The following CTNNA3 variants were observed in gnomAD, a reference collection of about 807,000 sequenced individuals.
CTNNA3 encodes the protein catenin alpha-3.
Under a neutral mutation model 95.7 loss-of-function variants are expected in CTNNA3, and 76 were observed. The observed-to-expected ratio is 0.79, with a 90% CI of 0.66 to 0.96. The LOEUF (loss-of-function observed/expected upper bound fraction) is 0.96, where lower values mean the gene tolerates loss of function less well. Ranked by LOEUF, CTNNA3 falls within the 40% of genes least tolerant of loss-of-function variation. The probability of loss-of-function intolerance (pLI) is 0.00; values close to 1 mark genes in which losing one functional copy is unlikely to be tolerated. For synonymous variants in CTNNA3, 431 were observed against 374.4 expected, an observed-to-expected ratio of 1.15 and a Z score of -1.74; for missense variants, 1,191 against 1,089.8, an observed-to-expected ratio of 1.09 and a Z score of -1.31.
At chr10:66,550,885 A>G (rs988566284) in intron 10 of CTNNA3, among the ~76,000 whole-genome samples, 9 of 151,834 alleles carry the variant, frequency 5.9e-5, no homozygotes, top group African/African-American at 1.5e-4. Flanking sequence ...AAGAGTTAAT[A>G]TTGTATTAGT....
chr10:66,182,649 T>A (rs2131860420), intron 13 of CTNNA3, among the ~76,000 whole-genome samples: 1 of 152,232 alleles, frequency 6.6e-6, no homozygotes, highest in East Asian at 1.9e-4. Context: ...TTCCAATGTG[T>A]GGAATTTTCT....
chr10:66,737,184 A>T (rs1462216257), intron 9 of CTNNA3, among the ~76,000 whole-genome samples: 1 of 152,066 alleles, frequency 6.6e-6, no homozygotes, highest in African/African-American at 2.4e-5. Context: ...GTGTAAAATA[A>T]TTTTTTATTT....
intron 7 of CTNNA3, among the ~76,000 whole-genome samples, chr10:66,975,261 G>T (rs1317527548): frequency 6.6e-6 from 1 of 152,084 alleles, no homozygotes; most frequent in African/African-American, 2.4e-5. Flanking sequence ...TCTAATAAAG[G>T]TATTCACATA....
chr10:67,011,328 A>G (rs10822959), intron 7 of CTNNA3, among the ~76,000 whole-genome samples: 78,785 of 145,704 alleles, frequency 0.54, 21,964 homozygotes, highest in Middle Eastern at 0.74. Context: ...GGCAGAGCAA[A>G]AGTCTGTCTC....
At chr10:66,563,367 T>C (rs75285081) in intron 10 of CTNNA3, among the ~76,000 whole-genome samples, 7,624 of 152,162 alleles carry the variant, frequency 0.05, 247 homozygotes, top group African/African-American at 0.076. Flanking sequence ...GACTTCTTTT[T>C]CTCTATGAAT....
chr10:65,982,772 A>C (rs1246424247), intron 16 of CTNNA3, among the ~76,000 whole-genome samples: 1 of 151,190 alleles, frequency 6.6e-6, no homozygotes, highest in African/African-American at 2.4e-5. Flanking sequence ...TTGAAAAAAA[A>C]AATTAAAAAA....
intron 11 of CTNNA3, among the ~76,000 whole-genome samples, chr10:66,427,930 A>T (rs1323019128): frequency 1.3e-5 from 2 of 152,142 alleles, no homozygotes; most frequent in Non-Finnish European, 2.9e-5. Flanking sequence ...AATGGACTAA[A>T]TGCTCCAATT....
At chr10:67,380,317 C>A (rs1843890444) in intron 5 of CTNNA3, among the ~76,000 whole-genome samples, 1 of 152,052 alleles carries the variant, frequency 6.6e-6, no homozygotes, top group South Asian at 2.1e-4. Context: ...AGAGAACATA[C>A]TATAACCAGT....
At chr10:66,701,138 ATTG>A (rs1457780493) in intron 9 of CTNNA3, among the ~76,000 whole-genome samples, 1 of 152,066 alleles carries the variant, frequency 6.6e-6, no homozygotes, top group African/African-American at 2.4e-5. Flanking sequence ...TGCCCACTGA[ATTG>A]CCTTTGAACT....
intron 5 of CTNNA3, among the ~76,000 whole-genome samples, chr10:67,246,845 G>A (rs547809648): frequency 7.2e-5 from 11 of 152,182 alleles, no homozygotes; most frequent in South Asian, 2.1e-4. Flanking sequence ...AGCAGAATGC[G>A]CAAGGAAAAT....
At chr10:67,240,203 A>C (rs1321297587) in intron 5 of CTNNA3, among the ~76,000 whole-genome samples, 1 of 152,208 alleles carries the variant, frequency 6.6e-6, no homozygotes, top group Admixed American at 6.5e-5. Context: ...TTTGAGATTA[A>C]GATGTGCAGC....
chr10:66,731,721 A>T (rs1036991438), intron 9 of CTNNA3, among the ~76,000 whole-genome samples: 54 of 152,338 alleles, frequency 3.5e-4, no homozygotes, highest in African/African-American at 1.2e-3. Context: ...ATCATGGTGT[A>T]TTGCACATGC....
At chr10:67,124,986 A>T (rs774466795) in intron 7 of CTNNA3, among the ~76,000 whole-genome samples, 2 of 152,184 alleles carry the variant, frequency 1.3e-5, no homozygotes, top group African/African-American at 4.8e-5. Context: ...TCATTTTTCA[A>T]GTTAAGCCAG....
chr10:67,437,294 G>C lies in CTNNA3; in HGVS notation c.579+84548C>G, dbSNP rs558041393. Among the ~76,000 whole-genome samples the C allele has an allele frequency of 1.1e-4, 16 of 152,244 alleles. No individual in the cohort carries two copies. In the East Asian group the frequency reaches 2.1e-3, roughly 20 times the overall value. ...AATAAGGACCCAAAGGCATAAGAAT[G>C]ATACAATGGACTTTGGGGACCTGAG... On this transcript the variant is annotated intron_variant, in intron 5 of 17. Transcript: ENST00000433211.
rs1847147842 is a variant in CTNNA3 at position 66,927,601 on chromosome 10, G to A, written c.1048-152077C>T. ...CAACCTGGCCCTTTTTCCAAGGTTG[G>A]TCAGCCTTCAGAACCTTTACTTGCA... On this transcript the variant is annotated intron_variant, in intron 7 of 17. Transcript: ENST00000433211. This position sits in a 1 kb window ranked among gnomAD's most constrained non-coding sequence, Gnocchi z 4.7. The A allele has an allele frequency of 1.2e-6, 2 of 1,614,034 alleles. No homozygotes were observed. Among genetic ancestry groups the A allele is most frequent in the East Asian group, 2.2e-5 (1 of 44,886 alleles).
Position 67,197,004 on chromosome 10 carries a change from T to C in CTNNA3, c.844-16484A>G, listed in dbSNP as rs138725285. 1.6e-3 allele frequency among the ~76,000 whole-genome samples: 241 copies of C among 152,228 alleles called. 3 individuals carry two copies. Among genetic ancestry groups the C allele is most frequent in the African/African-American group, 5.5e-3 (230 of 41,558 alleles). Reference sequence around the variant, plus strand: ...TGGTGATTAACTTATTCTGTCTACATTGAACTTAGAGAAAATACAGATGAT... The same window carrying C: ...TGGTGATTAACTTATTCTGTCTACACTGAACTTAGAGAAAATACAGATGAT... On this transcript the variant is annotated intron_variant, in intron 6 of 17. Coordinates refer to ENST00000433211, the MANE Select transcript of CTNNA3 (RefSeq NM_013266.4).
chr10:66,771,341 T>G (rs1437339113), intron 8 of CTNNA3, among the ~76,000 whole-genome samples: 2 of 152,184 alleles, frequency 1.3e-5, no homozygotes, highest in Non-Finnish European at 1.5e-5. Flanking sequence ...GTTGCTTAAA[T>G]TTTTTTATAA....
intron 11 of CTNNA3, among the ~76,000 whole-genome samples, chr10:66,505,567 C>T (rs1314025961): frequency 1.3e-5 from 2 of 152,024 alleles, no homozygotes; most frequent in African/African-American, 4.8e-5. Context: ...CCTGTCCTGA[C>T]AAGGAAGAGC....
intron 15 of CTNNA3, among the ~76,000 whole-genome samples, chr10:66,063,856 A>T (rs1352311904): frequency 1.3e-5 from 2 of 152,048 alleles, no homozygotes; most frequent in East Asian, 1.9e-4. Flanking sequence ...TATGTAGCAA[A>T]GTATGTTAAT....
Sources: gnomAD v4.1 joint callset for allele counts (sites outside exome capture counted in the v4.1 genomes callset) on GRCh38, gnomAD v4.1.1 for gene constraint, Gnocchi (gnomAD v3.1) non-coding constraint, MANE v1.5 for transcripts, NCBI Gene and HGNC (gene_info 2026-07-23, HGNC 2026-07-21) for gene names.